The following ADAMTS8 variants were observed in gnomAD, a reference collection of about 807,000 sequenced individuals.
ADAMTS8 encodes the protein A disintegrin and metalloproteinase with thrombospondin motifs 8.
ADAMTS8 carries 50 observed loss-of-function variants against 64.4 expected under a neutral mutation model. The observed-to-expected ratio is 0.78, with a 90% CI of 0.62 to 0.98. ADAMTS8 has a LOEUF of 0.98. Ranked by LOEUF, ADAMTS8 falls within the 50% of genes least tolerant of loss-of-function variation. ADAMTS8 has a pLI of 0.00. For synonymous variants in ADAMTS8, 556 were observed against 533.6 expected (o/e 1.04, Z -0.58); for missense variants, 1,192 against 1,208.2 (o/e 0.99, Z 0.20).
In ADAMTS8 at chr11:130,408,895, T is replaced by A; in HGVS notation, c.1796A>T (p.Asn599Ile). The A allele has an allele frequency of 6.2e-7, 1 of 1,602,416 alleles. No individual in the cohort carries two copies. Among genetic ancestry groups the A allele is most frequent in the South Asian group, 1.1e-5 (1 of 88,380 alleles). Residue 599 changes from asparagine (N) to isoleucine (I), a missense_variant, in exon 7 of 9, where the codon AAT becomes ATT. Coordinates refer to ENST00000257359, the MANE Select transcript of ADAMTS8 (RefSeq NM_007037.6). ...EQQCEKYNAY[N>I]YTDMDGNLLQ... is the part of the protein sequence containing the mutation. ...GAGATTCCCGTCCATGTCAGTGTAA[T>A]TGTAGGCATTATACTTCTCACACTG...
In ADAMTS8 at chr11:130,428,221, C is replaced by A. The variant is rs1286243366; in HGVS notation, c.66G>T (p.Pro22=). Residue 22 remains proline, a synonymous_variant, in exon 1 of 9, where the codon CCG becomes CCT. Transcript: ENST00000257359. ...PLLLLLLLLL[P]LARGAPARPA... is the part of the protein sequence containing the mutation. ...GCCGGGCCGGGGCGCCGCGGGCCAG[C>A]GGCAGCAGCAGCAGCAGCAGCAGCA... 1.7e-6 allele frequency: 2 copies of A among 1,188,148 alleles called. No homozygotes were observed. Among genetic ancestry groups the A allele is most frequent in the African/African-American group, 1.7e-5 (1 of 58,578 alleles). The allele number at this position is 1,188,148 out of a possible 1,614,324, so 73.6% of individuals were successfully genotyped here.
At chr11:130,410,271 A>G (rs1287603452) in intron 6 of ADAMTS8, among the ~76,000 whole-genome samples, 1 of 152,204 alleles carries the variant, frequency 6.6e-6, no homozygotes, top group African/African-American at 2.4e-5. Flanking sequence ...ATTGGACTAC[A>G]AGCTCCTTAG....
chr11:130,414,978 A>G, intron 4 of ADAMTS8, 146 bp from the exon 5 acceptor site: 1 of 893,956 alleles, frequency 1.1e-6, no homozygotes, highest in Non-Finnish European at 1.6e-6. Flanking sequence ...TTGATGATCT[A>G]GTGAGAGCAT....
At chr11:130,410,665 T>G (rs1330235473) in intron 6 of ADAMTS8, among the ~76,000 whole-genome samples, 1 of 152,228 alleles carries the variant, frequency 6.6e-6, no homozygotes, top group East Asian at 1.9e-4. Context: ...CAATCCTTCC[T>G]GGAGCTGCAC....
chr11:130,421,075 G>A (rs2134688495), intron 1 of ADAMTS8, among the ~76,000 whole-genome samples: 1 of 152,238 alleles, frequency 6.6e-6, no homozygotes, highest in Middle Eastern at 3.4e-3. Flanking sequence ...TCTCAAAATG[G>A]GGAAGATGAG....
At position 130,428,553 on chromosome 11, in the gene ADAMTS8, T is replaced by G; in HGVS notation, c.-267A>C. 1.6e-6 allele frequency: 1 copy of G among 610,636 alleles called. No homozygotes were observed. The highest frequency in any genetic ancestry group is 2.0e-5 in the African/African-American group (1 of 49,970). 37.8% of individuals were successfully genotyped at this position (610,636 alleles called of 1,614,324 possible). The stretch of plus-strand genomic sequence containing the variant: ...CCCGCGTGCGCCCGTCCTCCGCCCC[T>G]GCCCGCGCCAGCCCCGCGCAGCCGC... On this transcript the variant is annotated 5_prime_UTR_variant, in exon 1 of 9. Coordinates refer to ENST00000257359, the MANE Select transcript of ADAMTS8 (RefSeq NM_007037.6).
chr11:130,424,263 A>C (rs935224790), intron 1 of ADAMTS8, among the ~76,000 whole-genome samples: 2 of 152,196 alleles, frequency 1.3e-5, no homozygotes, highest in African/African-American at 4.8e-5. Flanking sequence ...CCTGCCACTT[A>C]CTGATCCTGA....
intron 1 of ADAMTS8, among the ~76,000 whole-genome samples, chr11:130,427,060 T>C (rs956916020): frequency 6.6e-6 from 1 of 152,248 alleles, no homozygotes; most frequent in Non-Finnish European, 1.5e-5. Flanking sequence ...ACAATGTCTT[T>C]TGCTTATGGC....
rs2134682516 is a variant in ADAMTS8, at chr11:130,416,085, A to T, written c.1264+78T>A. The T allele has an allele frequency of 1.4e-6, 2 of 1,450,538 alleles. No individual in the cohort carries two copies. Among genetic ancestry groups the T allele is most frequent in the Middle Eastern group, 2.5e-4 (1 of 3,982 alleles). 89.9% of individuals were successfully genotyped at this position (1,450,538 alleles called of 1,614,324 possible). On this transcript the variant is annotated intron_variant, in intron 4 of 8. Coordinates refer to ENST00000257359, the MANE Select transcript of ADAMTS8 (RefSeq NM_007037.6). This position sits in a 1 kb window ranked among gnomAD's most constrained non-coding sequence, Gnocchi z 4.8. ...CTCTAAGGGCCCTGTGAGGAGGCAC[A>T]GCTGGAGGGGGTCTCTGCGCCAGCA...
chr11:130,414,397 A>T (rs1373942742), intron 5 of ADAMTS8, 134 bp downstream of exon 5: 10 of 1,142,226 alleles, frequency 8.8e-6, no homozygotes, highest in African/African-American at 1.6e-5. Flanking sequence ...TTCCAGTGTG[A>T]GCCGCTCTGC....
In ADAMTS8 at chr11:130,428,194, G is replaced by A. The variant is rs1457983307; in HGVS notation, c.93C>T (p.Pro31=). The A allele has an allele frequency of 9.4e-6, 12 of 1,276,286 alleles. No individual in the cohort carries two copies. Among genetic ancestry groups the A allele is most frequent in the Admixed American group, 4.3e-5 (1 of 23,236 alleles). 79.1% of individuals were successfully genotyped at this position (1,276,286 alleles called of 1,614,324 possible). A position where few individuals can be genotyped will look rare whatever the true frequency, so the allele number is the denominator to read the frequency against. ...LPLARGAPAR[P]AAGGQASELV... ...GCTCCGAGGCCTGCCCCCCGGCTGC[G>A]GGCCGGGCCGGGGCGCCGCGGGCCA... The change falls in exon 1 of 9, where the codon CCC becomes CCT. Residue 31 remains proline, a synonymous_variant. Transcript: ENST00000257359.
chr11:130,416,158 C>A lies in ADAMTS8; in HGVS notation c.1264+5G>T. 2 of 1,568,582 alleles carry A rather than the reference C, an allele frequency of 1.3e-6. No homozygotes were observed. The highest frequency in any genetic ancestry group is 1.2e-5 in the South Asian group (1 of 85,592). On this transcript the variant is annotated splice_donor_5th_base_variant and intron_variant, in intron 4 of 8. Transcript: ENST00000257359. The surrounding 1 kb of genome is among the most constrained non-coding windows in gnomAD (Gnocchi z 4.8). ...GACAAGTAGGGCGGGGCCGCCGGTG[C>A]CTACCGTGCCCGCCGTCCAGAAGCT...
rs1346747253 is a variant in ADAMTS8 at position 130,416,893 on chromosome 11, A to G, written c.1096+47T>C. The G allele has an allele frequency of 2.5e-6, 4 of 1,612,848 alleles. No individual in the cohort carries two copies. Among genetic ancestry groups the G allele is most frequent in the Admixed American group, 3.3e-5 (2 of 60,018 alleles). On this transcript the variant is annotated intron_variant, in intron 3 of 8. Coordinates refer to ENST00000257359, the MANE Select transcript of ADAMTS8 (RefSeq NM_007037.6). The surrounding 1 kb of genome is among the most constrained non-coding windows in gnomAD (Gnocchi z 4.8). ...TACGCAACCTTGGATCTGGAAGAGC[A>G]GTTCCCTCCGATGTGGTGAAGTGGG...
At chr11:130,408,684 G>GA in intron 7 of ADAMTS8, 45 bp from the exon 8 acceptor site, 1 of 1,612,144 alleles carries the variant, frequency 6.2e-7, no homozygotes, top group Non-Finnish European at 8.5e-7. Flanking sequence ...GTTGAGCACA[G>GA]AAGCAGCCTG....
At chr11:130,420,513 G>A (rs925780203) in intron 1 of ADAMTS8, among the ~76,000 whole-genome samples, 9 of 152,108 alleles carry the variant, frequency 5.9e-5, no homozygotes, top group African/African-American at 2.2e-4. Flanking sequence ...CCGATCCCTA[G>A]ATCACCACCT....
Position 130,406,043 on chromosome 11 carries a change from C to A in ADAMTS8, c.2185G>T (p.Asp729Tyr). ...GTCTTCAGCGCCAGGTAGTTCCCAT[C>A]GTTCTGCACACCCGGGTGGCTCCGC... ...KQRSHPGVQN[D>Y]GNYLALKTAD... is the part of the protein sequence containing the mutation. The change falls in exon 9 of 9, where the codon GAT (aspartate) becomes TAT (tyrosine). Residue 729 changes from aspartate to tyrosine, a missense_variant. Physicochemically the swap from Asp to Tyr is radical, Grantham distance 160 (BLOSUM62 -3). This residue lies in a region of ADAMTS8 where 290 missense variants were observed against 297.8 expected (regional missense o/e 0.97). Coordinates refer to ENST00000257359, the MANE Select transcript of ADAMTS8 (RefSeq NM_007037.6). 4 of 1,614,152 alleles carry A rather than the reference C, an allele frequency of 2.5e-6. No individual in the cohort carries two copies. Among genetic ancestry groups the A allele is most frequent in the Non-Finnish European group, 3.4e-6 (4 of 1,180,036 alleles).
Position 130,411,756 on chromosome 11 carries a change from G to C in ADAMTS8, c.1567-156C>G, listed in dbSNP as rs1861955854. On this transcript the variant is annotated intron_variant, in intron 5 of 8. Coordinates refer to ENST00000257359, the MANE Select transcript of ADAMTS8 (RefSeq NM_007037.6). The surrounding 1 kb of genome is among the most constrained non-coding windows in gnomAD (Gnocchi z 4.2). ...TGCCTCAATCATTTGTTTAATGACT[G>C]TGTGGCCTGCATGGCTTTGTGAGCA... 1 of 738,456 alleles carries C rather than the reference G, an allele frequency of 1.4e-6. No individual in the cohort carries two copies. Among genetic ancestry groups the C allele is most frequent in the Non-Finnish European group, 2.2e-6 (1 of 461,548 alleles). The allele number at this position is 738,456 out of a possible 1,614,324, so 45.7% of individuals were successfully genotyped here. A position where few individuals can be genotyped will look rare whatever the true frequency, so the allele number is the denominator to read the frequency against.
chr11:130,417,398 A>T (rs570045234), intron 2 of ADAMTS8, among the ~76,000 whole-genome samples: 7 of 152,114 alleles, frequency 4.6e-5, no homozygotes, highest in African/African-American at 1.7e-4. Flanking sequence ...TTAGGACTAC[A>T]GGCGTGCACC....
intron 2 of ADAMTS8, 69 bp downstream of exon 2, chr11:130,418,984 G>A (rs1398473105): frequency 1.4e-5 from 22 of 1,599,664 alleles, no homozygotes; most frequent in East Asian, 2.2e-5. Context: ...GGCAGGCCTC[G>A]TGGTCCTCCC....
Sources: gnomAD v4.1 joint callset for allele counts (sites outside exome capture counted in the v4.1 genomes callset) on GRCh38, gnomAD v4.1.1 for gene constraint, gnomAD v4.1.1 regional missense constraint, Gnocchi (gnomAD v3.1) non-coding constraint, MANE v1.5 for transcripts, NCBI Gene and HGNC (gene_info 2026-07-23, HGNC 2026-07-21) for gene names.